The following ZFHX3 variants were observed in gnomAD, a reference collection of about 807,000 sequenced individuals.
The protein encoded by ZFHX3 is zinc finger homeobox 3.
Under a neutral mutation model 279.1 loss-of-function variants are expected in ZFHX3, and 42 were observed. That is an observed-to-expected ratio of 0.15 (90% confidence interval 0.12 to 0.19). The LOEUF (loss-of-function observed/expected upper bound fraction) is 0.19, where lower values mean the gene tolerates loss of function less well. ZFHX3 is among the 10% of genes least tolerant of loss of function. The probability of loss-of-function intolerance (pLI) is 1.00; values close to 1 mark genes in which losing one functional copy is unlikely to be tolerated. For missense variants in ZFHX3, 4,981 were observed against 4,754.0 expected (o/e 1.05, Z -1.40); for synonymous variants, 2,293 against 1,957.8 (o/e 1.17, Z -4.52).
chr16:73,659,423 A>G (rs1437113586), intron 2 of ZFHX3, among the ~76,000 whole-genome samples: 1 of 151,766 alleles, frequency 6.6e-6, no homozygotes, highest in Non-Finnish European at 1.5e-5. Context: ...ATTAGAAGCC[A>G]CGTACAATTT....
At chr16:73,787,980 A>C (rs1459091918) in intron 1 of ZFHX3, among the ~76,000 whole-genome samples, 1 of 152,144 alleles carries the variant, frequency 6.6e-6, no homozygotes, top group Non-Finnish European at 1.5e-5. Context: ...AGAGAGTTTA[A>C]CAAAGGGACT....
At chr16:72,974,258 G>C (rs1353900179) in intron 1 of ZFHX3, among the ~76,000 whole-genome samples, 1 of 152,220 alleles carries the variant, frequency 6.6e-6, no homozygotes, top group Non-Finnish European at 1.5e-5. Context: ...CAGCTAATTA[G>C]AGCACCTGGG....
Position 73,304,774 on chromosome 16 carries a change from C to T in ZFHX3, c.-1194+13466G>A, listed in dbSNP as rs117583386. ...TAAGGAGCCTGCTTCCTGAGCCCAC[C>T]GCCTGACCTCTCTAAGAGCAGCCTC... On this transcript the variant is annotated intron_variant, in intron 4 of 17. Transcript: ENST00000641206. 9.7e-3 allele frequency among the ~76,000 whole-genome samples: 1,479 copies of T among 152,296 alleles called. 14 individuals are homozygous for T. Among genetic ancestry groups the T allele is most frequent in the South Asian group, 0.017 (82 of 4,826 alleles).
In ZFHX3 at chr16:73,846,370, A is replaced by T. The variant is rs934681987; in HGVS notation, c.-1608+45281T>A. Among the ~76,000 whole-genome samples the T allele has an allele frequency of 3.9e-5, 6 of 152,306 alleles. No individual in the cohort carries two copies. In the East Asian group the frequency reaches 1.2e-3, roughly 29 times the overall value. The stretch of plus-strand genomic sequence containing the variant: ...TTTCGAGGGAAAACATGAATGAGCC[A>T]ATTAAAGATCTCATTTCTAGGTGAC... On this transcript the variant is annotated intron_variant, in intron 1 of 17. Transcript: ENST00000641206.
intron 1 of ZFHX3, among the ~76,000 whole-genome samples, chr16:73,743,886 A>G (rs1393960371): frequency 6.6e-6 from 1 of 152,178 alleles, no homozygotes; most frequent in Non-Finnish European, 1.5e-5. Flanking sequence ...ACCAAAATCT[A>G]TGTGAATGTG....
chr16:72,988,318 G>T lies in ZFHX3; in HGVS notation c.-49-28124C>A, dbSNP rs148835588. 4.1e-3 allele frequency among the ~76,000 whole-genome samples: 632 copies of T among 152,292 alleles called. 3 individuals are homozygous for T. Among genetic ancestry groups the T allele is most frequent in the African/African-American group, 0.014 (594 of 41,554 alleles). On this transcript the variant is annotated intron_variant, in intron 1 of 9. Coordinates refer to ENST00000268489, the MANE Select transcript of ZFHX3 (RefSeq NM_006885.4). Reference sequence around the variant, plus strand: ...CAGGGAACAGCCAGCCAGTCCCGGAGCTACTCTTCCCGCTCCCACCTTTCC... The same window carrying T: ...CAGGGAACAGCCAGCCAGTCCCGGATCTACTCTTCCCGCTCCCACCTTTCC...
rs75050930 is a variant in ZFHX3, at chr16:73,445,331, A to G, written c.-1291+10672T>C. 8.0e-5 allele frequency among the ~76,000 whole-genome samples: 12 copies of G among 149,146 alleles called. No individual in the cohort carries two copies. In the South Asian group the frequency reaches 8.5e-4, roughly 11 times the overall value. On this transcript the variant is annotated intron_variant, in intron 3 of 17. Transcript: ENST00000641206. ...GTGTGTGTGTATATGTATGGGGGGGAGAGAGAGAGAGCATCCATGGTTTTC... is the reference window on the plus strand; with the variant it reads ...GTGTGTGTGTATATGTATGGGGGGGGGAGAGAGAGAGCATCCATGGTTTTC...
At chr16:73,172,412 G>A (rs1486714750) in intron 5 of ZFHX3, among the ~76,000 whole-genome samples, 1 of 152,132 alleles carries the variant, frequency 6.6e-6, no homozygotes, top group Non-Finnish European at 1.5e-5. Context: ...CCATGCCACC[G>A]TCCCTCAAAA....
In ZFHX3 at chr16:73,127,232, G is replaced by C. The variant is rs190490409; in HGVS notation, c.-897+3736C>G. On this transcript the variant is annotated intron_variant, in intron 7 of 17. Coordinates refer to the ZFHX3 transcript ENST00000641206. ...GTCGTGCGTGAGCTGTTACACAGCG[G>C]TTAGTATCGATCAGAGCTAAAGGCT... The C allele has an allele frequency of 9.7e-6, 8 of 820,748 alleles. No homozygotes were observed. The East Asian group carries it at 5.1e-4, about 53-fold the overall frequency. The allele number at this position is 820,748 out of a possible 1,614,324, so 50.8% of individuals were successfully genotyped here.
At chr16:73,009,688 G>T (rs752850218) in intron 1 of ZFHX3, among the ~76,000 whole-genome samples, 10 of 152,080 alleles carry the variant, frequency 6.6e-5, no homozygotes, top group Admixed American at 1.3e-4. Context: ...GCAGCAGATG[G>T]CAGGGCCAGC....
intron 2 of ZFHX3, among the ~76,000 whole-genome samples, chr16:73,488,082 A>T (rs1490642964): frequency 6.6e-6 from 1 of 152,112 alleles, no homozygotes; most frequent in Non-Finnish European, 1.5e-5. Flanking sequence ...CCAAGCTTCT[A>T]ATTTGGGGGG....
Position 72,950,483 on chromosome 16 carries a change from G to A in ZFHX3, c.3202C>T (p.Leu1068=). 6.2e-7 allele frequency: 1 copy of A among 1,613,784 alleles called. No homozygotes were observed. The highest frequency in any genetic ancestry group is 8.5e-7 in the Non-Finnish European group (1 of 1,179,676). Residue 1068 remains leucine (L), a synonymous_variant, in exon 3 of 10, where the codon CTG becomes TTG. Transcript: ENST00000268489. ...CTGGGCCTTACCTTGTACAACTTCA[G>A]GCTGGCCTCGTGCCTGGAGTTGACC... ...HTVNSRHEAS[L]KLYKHLQQHE...
At chr16:73,157,649 A>C (rs1967127663) in intron 5 of ZFHX3, among the ~76,000 whole-genome samples, 1 of 152,140 alleles carries the variant, frequency 6.6e-6, no homozygotes, top group Non-Finnish European at 1.5e-5. Context: ...GCAGTAATTA[A>C]ATCTGAATTG....
Position 72,788,637 on chromosome 16 carries a change from C to T in ZFHX3, c.9639G>A (p.Pro3213=), listed in dbSNP as rs756818044. The T allele has an allele frequency of 2.5e-6, 4 of 1,613,234 alleles. No individual in the cohort carries two copies. Among genetic ancestry groups the T allele is most frequent in the Middle Eastern group, 1.7e-4 (1 of 6,048 alleles). Residue 3213 remains proline, a synonymous_variant, in exon 10 of 10, where the codon CCG becomes CCA. Coordinates refer to ENST00000268489, the MANE Select transcript of ZFHX3 (RefSeq NM_006885.4). ...GTGTGGGTGGCGGCTGGGCTGCTGG[C>T]GGCGGGGGAGGCTGCTGCACCTGTG... ...QQPQVQQPPP[P]PAAQPPPTPQ...
rs56057112 is a variant in ZFHX3 at position 73,619,601 on chromosome 16, T to C, written c.-1547+60579A>G. On this transcript the variant is annotated intron_variant, in intron 2 of 17. Transcript: ENST00000641206. ...TCAATGTTCTTTTAATGTCTCATGA[T>C]GGACATCCTGCAAAGTTTATGGTCC... Among the ~76,000 whole-genome samples the C allele has an allele frequency of 6.6e-3, 1,007 of 152,198 alleles. 13 individuals carry two copies. Among genetic ancestry groups the C allele is most frequent in the African/African-American group, 0.023 (961 of 41,502 alleles).
intron 1 of ZFHX3, among the ~76,000 whole-genome samples, chr16:73,026,299 G>A (rs991605385): frequency 6.6e-6 from 1 of 150,386 alleles, no homozygotes; most frequent in Non-Finnish European, 1.5e-5. Context: ...CTTGAACCCA[G>A]GAGGCGGAGG....
At chr16:73,026,689 A>C (rs8061181) in intron 1 of ZFHX3, among the ~76,000 whole-genome samples, 1 of 150,834 alleles carries the variant, frequency 6.6e-6, no homozygotes, top group Middle Eastern at 3.4e-3. Flanking sequence ...AAAAAAAAAA[A>C]AAAAAACACA....
intron 4 of ZFHX3, among the ~76,000 whole-genome samples, chr16:72,866,564 G>C (rs903136765): frequency 1.3e-5 from 2 of 152,128 alleles, no homozygotes; most frequent in African/African-American, 4.8e-5. Context: ...AGAAAAGCTG[G>C]GATCTAAACT....
At chr16:73,261,826 C>A (rs964015404) in intron 4 of ZFHX3, among the ~76,000 whole-genome samples, 1 of 152,008 alleles carries the variant, frequency 6.6e-6, no homozygotes, top group Non-Finnish European at 1.5e-5. Context: ...CAGGGATGCA[C>A]CACCACGCTC....
Sources: gnomAD v4.1 joint callset for allele counts (sites outside exome capture counted in the v4.1 genomes callset) on GRCh38, gnomAD v4.1.1 for gene constraint, MANE v1.5 for transcripts, NCBI Gene and HGNC (gene_info 2026-07-23, HGNC 2026-07-21) for gene names.